CRB1: variants seen among roughly 807,000 people sequenced by gnomAD.
CRB1 encodes the protein protein crumbs homolog 1.
CRB1 carries 83 observed loss-of-function variants against 120.0 expected under a neutral mutation model. The observed-to-expected ratio is 0.69, with a 90% CI of 0.58 to 0.83. The LOEUF (loss-of-function observed/expected upper bound fraction) is 0.83. Among genes scored for constraint, CRB1 ranks in the 40% least tolerant of loss-of-function variants. The pLI is 0.00. For missense variants in CRB1, 1,699 were observed against 1,687.6 expected (o/e 1.01, Z -0.12); for synonymous variants, 625 against 612.5 (o/e 1.02, Z -0.30).
intron 11 of CRB1, among the ~76,000 whole-genome samples, chr1:197,451,298 A>G (rs1379056532): frequency 1.3e-5 from 2 of 152,230 alleles, no homozygotes; most frequent in Non-Finnish European, 2.9e-5. Context: ...ATTACTCATG[A>G]TAACAAAATT....
intron 1 of CRB1, among the ~76,000 whole-genome samples, chr1:197,284,581 A>G (rs993154915): frequency 2.2e-4 from 33 of 151,986 alleles, no homozygotes; most frequent in Non-Finnish European, 2.8e-4. Flanking sequence ...TTTATCTTGC[A>G]TCAATATAGG....
chr1:197,314,571 G>C (rs1376703795), intron 1 of CRB1, among the ~76,000 whole-genome samples: 1 of 152,094 alleles, frequency 6.6e-6, no homozygotes, highest in Non-Finnish European at 1.5e-5. Flanking sequence ...GATAATTAAA[G>C]GGGTTCCTGA....
At chr1:197,318,666 A>G (rs1320916614) in intron 1 of CRB1, among the ~76,000 whole-genome samples, 1 of 152,190 alleles carries the variant, frequency 6.6e-6, no homozygotes, top group African/African-American at 2.4e-5. Flanking sequence ...TCAGTCATAA[A>G]ACAATAAAAT....
chr1:197,437,635 G>C (rs534351304), intron 9 of CRB1, among the ~76,000 whole-genome samples: 2 of 149,934 alleles, frequency 1.3e-5, no homozygotes, highest in African/African-American at 2.4e-5. Context: ...CTTTTGAAAA[G>C]TCTTTATGAT....
In CRB1 at chr1:197,328,856, G is replaced by T. The variant is rs1326273908; in HGVS notation, c.505G>T (p.Gly169Cys). 1 of 1,614,050 alleles carries T rather than the reference G, an allele frequency of 6.2e-7. No homozygotes were observed. Among genetic ancestry groups the T allele is most frequent in the South Asian group, 1.1e-5 (1 of 91,064 alleles). The change falls in exon 2 of 12, where the codon GGT becomes TGT. Residue 169 changes from glycine (G) to cysteine (C), a missense_variant. Physicochemically the swap from Gly to Cys is radical, Grantham distance 159. Transcript: ENST00000367400. ...NGAVCQDGID[G>C]YSCFCVPGYQ... ...GGCCGTGTGCCAGGATGGAATTGATGGTTACTCCTGCTTCTGTGTCCCAGG... is the reference window on the plus strand; with the variant it reads ...GGCCGTGTGCCAGGATGGAATTGATTGTTACTCCTGCTTCTGTGTCCCAGG...
chr1:197,265,098 G>C (rs774368324), upstream of CRB1, among the ~76,000 whole-genome samples: 2 of 152,086 alleles, frequency 1.3e-5, no homozygotes, highest in Admixed American at 1.3e-4. Flanking sequence ...TCATGGCAGT[G>C]GGTTTCTAGT....
intron 5 of CRB1, among the ~76,000 whole-genome samples, chr1:197,401,399 C>T (rs899705794): frequency 6.6e-6 from 1 of 152,020 alleles, no homozygotes; most frequent in Non-Finnish European, 1.5e-5. Context: ...TTTGATTGCC[C>T]ACTATGTAAG....
At chr1:197,458,998 G>T (rs1666407961) in intron 11 of CRB1, among the ~76,000 whole-genome samples, 1 of 152,022 alleles carries the variant, frequency 6.6e-6, no homozygotes, top group Non-Finnish European at 1.5e-5. Flanking sequence ...ATTATTTATA[G>T]AACAGAAAAT....
intron 1 of CRB1, among the ~76,000 whole-genome samples, chr1:197,296,511 C>T (rs1337005): frequency 0.52 from 79,207 of 151,788 alleles, 21,271 homozygotes; most frequent in East Asian, 0.85. Context: ...ATCCAGAAGT[C>T]AGTTGTATCT....
chr1:197,477,357 G>T (rs1236072537), intron 11 of CRB1, among the ~76,000 whole-genome samples: 1 of 152,064 alleles, frequency 6.6e-6, no homozygotes, highest in African/African-American at 2.4e-5. Flanking sequence ...ATATAAGTGT[G>T]GGCTCATCTT....
the CRB1 span, among the ~76,000 whole-genome samples, chr1:197,249,938 T>G: frequency 1.3e-5 from 2 of 152,016 alleles, no homozygotes; most frequent in Admixed American, 6.6e-5. Flanking sequence ...TGAGTTTGAG[T>G]GACCCTGGGA....
the CRB1 span, among the ~76,000 whole-genome samples, chr1:197,229,813 G>T: frequency 1.3e-5 from 2 of 152,060 alleles, no homozygotes; most frequent in Middle Eastern, 3.2e-3. Context: ...AATGAGTCTT[G>T]TTCTAAGGCC....
intron 11 of CRB1, among the ~76,000 whole-genome samples, chr1:197,456,327 T>C (rs1666282830): frequency 6.6e-6 from 1 of 152,102 alleles, no homozygotes; most frequent in Non-Finnish European, 1.5e-5. Context: ...ACCTAAGTGA[T>C]TGAGATAATG....
chr1:197,308,924 G>T (rs866994145), intron 1 of CRB1, among the ~76,000 whole-genome samples: 17 of 150,334 alleles, frequency 1.1e-4, no homozygotes, highest in African/African-American at 4.1e-4. Flanking sequence ...ATATATGTGG[G>T]TATATATACA....
Position 197,428,456 on chromosome 1 carries a change from G to A in CRB1, c.2676+455G>A, listed in dbSNP as rs186811126. 2.3e-3 allele frequency among the ~76,000 whole-genome samples: 356 copies of A among 152,322 alleles called. 2 individuals are homozygous for A. The highest frequency in any genetic ancestry group is 8.3e-3 in the African/African-American group (343 of 41,574). On this transcript the variant is annotated intron_variant, in intron 7 of 11. Transcript: ENST00000367400. ...GAGAGGTAATTTCCTTCTGGTAGTT[G>A]AAATCTTCCGAAATATAATTTCTCA...
rs147490362 is a variant in CRB1, at chr1:197,446,041, T to C, written c.4005+3749T>C. Among the ~76,000 whole-genome samples the C allele has an allele frequency of 4.5e-3, 688 of 151,986 alleles. 4 individuals are homozygous for C. The highest frequency in any genetic ancestry group is 7.8e-3 in the Non-Finnish European group (530 of 67,976). ...CTTGTCTATACTAAAAATACAAAAA[T>C]TAGCTGGGCATGGTGGCGCATGCCT... is the stretch of plus-strand genomic sequence containing the variant. On this transcript the variant is annotated intron_variant, in intron 11 of 11. Transcript: ENST00000367400.
chr1:197,443,997 T>C (rs1457515778), intron 11 of CRB1: 2 of 152,150 alleles, frequency 1.3e-5, no homozygotes, highest in Non-Finnish European at 2.9e-5. Context: ...ATTTTGTAAA[T>C]ATACGTCTAT....
chr1:197,438,517 C>T (rs1207678860), intron 9 of CRB1, 30 bp from the exon 10 acceptor site: 2 of 1,610,440 alleles, frequency 1.2e-6, no homozygotes, highest in East Asian at 4.5e-5. Flanking sequence ...ACAAGATGAA[C>T]AGCTGTGGCT....
chr1:197,424,557 A>T (rs1259025422), intron 6 of CRB1, among the ~76,000 whole-genome samples: 1 of 152,060 alleles, frequency 6.6e-6, no homozygotes, highest in Non-Finnish European at 1.5e-5. Context: ...TGATGTCTGT[A>T]TGTGCTGGAT....
Sources: allele counts gnomAD v4.1 joint callset (sites outside exome capture counted in the v4.1 genomes callset), GRCh38; gene constraint gnomAD v4.1.1; transcripts MANE v1.5; gene names NCBI Gene and HGNC (gene_info 2026-07-23, HGNC 2026-07-21).